Variants in EIF4G3 observed in about 807,000 individuals in gnomAD.
The protein encoded by EIF4G3 is eIF-4-gamma 3.
In EIF4G3, 34 loss-of-function variants were observed where a neutral mutation model predicts 186.4. That is an observed-to-expected ratio of 0.18 (90% CI 0.14 to 0.24). The LOEUF (loss-of-function observed/expected upper bound fraction) is 0.24, where lower values mean the gene tolerates loss of function less well. Among genes scored for constraint, EIF4G3 ranks in the 10% least tolerant of loss-of-function variants. The pLI is 1.00. For missense variants in EIF4G3, 1,536 were observed against 1,948.5 expected, an observed-to-expected ratio of 0.79 and a Z score of 3.99; for synonymous variants, 673 against 679.5, an observed-to-expected ratio of 0.99 and a Z score of 0.15.
rs572571385 is a variant in EIF4G3 at position 21,073,334 on chromosome 1, A to G, written c.-196+15804T>C. Among the ~76,000 whole-genome samples the G allele has an allele frequency of 5.9e-5, 9 of 152,252 alleles. No homozygotes were observed. The East Asian group carries it at 1.4e-3, about 23-fold the overall frequency. On this transcript the variant is annotated intron_variant, in intron 3 of 36. Transcript: ENST00000602326. ...ACGCCCTTGCAGCTATTCACATTTA[A>G]ATTAATGAAAATTAAATAAAATTTA...
At chr1:20,884,956 A>G (rs2083618736) in intron 19 of EIF4G3, among the ~76,000 whole-genome samples, 1 of 152,188 alleles carries the variant, frequency 6.6e-6, no homozygotes, top group Non-Finnish European at 1.5e-5. Context: ...AGTGGTTTTT[A>G]GGATAAAATT....
chr1:21,150,374 T>C (rs2097530578), intron 2 of EIF4G3, among the ~76,000 whole-genome samples: 1 of 152,212 alleles, frequency 6.6e-6, no homozygotes, highest in African/African-American at 2.4e-5. Flanking sequence ...AAGATGCCTA[T>C]ATTCAAGTAC....
At chr1:20,836,211 A>G (rs1232410624) in intron 30 of EIF4G3, among the ~76,000 whole-genome samples, 1 of 151,762 alleles carries the variant, frequency 6.6e-6, no homozygotes, top group African/African-American at 2.4e-5. Context: ...TCAAACTCCT[A>G]GGCTCAAGCA....
At chr1:21,171,665 G>C (rs2097974133) in intron 2 of EIF4G3, among the ~76,000 whole-genome samples, 3 of 152,114 alleles carry the variant, frequency 2.0e-5, no homozygotes, top group African/African-American at 7.2e-5. Context: ...CTCTCCACTT[G>C]CAAGAATAAC....
At chr1:20,901,171 G>GACAT (rs1445789601) in intron 15 of EIF4G3, among the ~76,000 whole-genome samples, 24 of 152,018 alleles carry the variant, frequency 1.6e-4, no homozygotes, top group African/African-American at 5.5e-4. Flanking sequence ...AAGACAGACA[G>GACAT]ACATAATATT....
chr1:21,050,343 G>C (rs929321859), intron 4 of EIF4G3, among the ~76,000 whole-genome samples: 3 of 152,186 alleles, frequency 2.0e-5, no homozygotes, highest in South Asian at 4.1e-4. Flanking sequence ...CTATTAAGTA[G>C]AAATACACTA....
chr1:20,921,346 A>G (rs1334166293), intron 14 of EIF4G3, among the ~76,000 whole-genome samples: 1 of 152,254 alleles, frequency 6.6e-6, no homozygotes, highest in Non-Finnish European at 1.5e-5. Context: ...TATTGATGCA[A>G]GGTTAGGCAA....
At chr1:21,047,546 C>T (rs970320181) in intron 4 of EIF4G3, among the ~76,000 whole-genome samples, 13 of 152,156 alleles carry the variant, frequency 8.5e-5, no homozygotes, top group African/African-American at 9.7e-5. Context: ...ATTTACTTCC[C>T]CTCTAAAACT....
chr1:20,820,081 A>T (rs1295016232), intron 33 of EIF4G3, among the ~76,000 whole-genome samples: 1 of 151,670 alleles, frequency 6.6e-6, no homozygotes, highest in Non-Finnish European at 1.5e-5. Context: ...AGCCACCCAA[A>T]CCATAGCTGC....
At chr1:21,074,152 T>C (rs542473614) in intron 3 of EIF4G3, among the ~76,000 whole-genome samples, 3 of 152,330 alleles carry the variant, frequency 2.0e-5, no homozygotes, top group South Asian at 2.1e-4. Context: ...TTCTCAACAG[T>C]GACACTACTG....
intron 2 of EIF4G3, among the ~76,000 whole-genome samples, chr1:21,097,704 T>C (rs2096408514): frequency 6.6e-6 from 1 of 152,106 alleles, no homozygotes; most frequent in Non-Finnish European, 1.5e-5. Context: ...CAAAGGCAAT[T>C]AAGTGGAGAA....
At chr1:21,018,752 G>C (rs1411477226) in intron 4 of EIF4G3, among the ~76,000 whole-genome samples, 1 of 151,988 alleles carries the variant, frequency 6.6e-6, no homozygotes, top group Non-Finnish European at 1.5e-5. Context: ...CTTAAGAACT[G>C]GTTATTTAGA....
chr1:20,908,692 C>T (rs2092688542), intron 14 of EIF4G3, among the ~76,000 whole-genome samples: 1 of 152,124 alleles, frequency 6.6e-6, no homozygotes. Flanking sequence ...CAAATTGTTA[C>T]TCCTGCAAAT....
At position 20,835,514 on chromosome 1, in the gene EIF4G3, A is replaced by G. The variant is rs184623348; in HGVS notation, c.4061+5342T>C. The stretch of plus-strand genomic sequence containing the variant: ...ACTAGGAGAAAAGACAGAAGACTCA[A>G]AATAAGAAATGAAAGAGGAGATATT... On this transcript the variant is annotated intron_variant, in intron 30 of 36. Transcript: ENST00000602326. Among the ~76,000 whole-genome samples, 22 of 152,322 alleles carry G rather than the reference A, an allele frequency of 1.4e-4. No homozygotes were observed. In the East Asian group the frequency reaches 4.2e-3, roughly 29 times the overall value.
chr1:20,975,605 T>C (rs1046499337), intron 10 of EIF4G3, among the ~76,000 whole-genome samples: 3 of 149,898 alleles, frequency 2.0e-5, no homozygotes, highest in Non-Finnish European at 4.4e-5. Context: ...CTACTGCCTA[T>C]ACTACTAATA....
chr1:21,059,927 C>A (rs2094797861), intron 3 of EIF4G3, among the ~76,000 whole-genome samples: 1 of 152,128 alleles, frequency 6.6e-6, no homozygotes, highest in Non-Finnish European at 1.5e-5. Context: ...GAAAGTGGAC[C>A]CTATGTGAAT....
At chr1:20,812,186 G>C (rs2059374923) in intron 35 of EIF4G3, among the ~76,000 whole-genome samples, 1 of 152,094 alleles carries the variant, frequency 6.6e-6, no homozygotes, top group African/African-American at 2.4e-5. Flanking sequence ...TACTCAAGAG[G>C]CTGAGGCGAT....
At chr1:21,147,718 C>T (rs748778526) in intron 2 of EIF4G3, among the ~76,000 whole-genome samples, 1 of 151,932 alleles carries the variant, frequency 6.6e-6, no homozygotes, top group Non-Finnish European at 1.5e-5. Context: ...GGAAATAAAC[C>T]TAGTAAACAA....
At chr1:20,824,056 G>A (rs1177493082) in intron 33 of EIF4G3, among the ~76,000 whole-genome samples, 3 of 152,166 alleles carry the variant, frequency 2.0e-5, no homozygotes, top group East Asian at 1.9e-4. Context: ...TCTTCCCACT[G>A]GGCTATGTGT....
Sources: allele counts gnomAD v4.1 joint callset (sites outside exome capture counted in the v4.1 genomes callset), GRCh38; gene constraint gnomAD v4.1.1; transcripts MANE v1.5; gene names NCBI Gene and HGNC (gene_info 2026-07-23, HGNC 2026-07-21).